IVD: variants seen among roughly 807,000 people sequenced by gnomAD.
The protein encoded by IVD is isovaleryl-CoA dehydrogenase, mitochondrial.
A neutral mutation model predicts 51.3 loss-of-function variants in IVD; 31 were observed. That is an observed-to-expected ratio of 0.60 (90% CI 0.45 to 0.81). The LOEUF is 0.81. Among genes scored for constraint, IVD ranks in the 40% least tolerant of loss-of-function variants. The pLI is 0.00. For synonymous variants in IVD, 205 were observed against 219.4 expected (o/e 0.93, Z 0.58); for missense variants, 475 against 552.0 (o/e 0.86, Z 1.40).
chr15:40,414,789 G>A lies in IVD; in HGVS notation c.785-100G>A. ...AATAAAGGTCAAGTGACATATTTTAGTGCCTTACTTGAGAGCCATGTTTCC... is the reference window on the plus strand; with the variant it reads ...AATAAAGGTCAAGTGACATATTTTAATGCCTTACTTGAGAGCCATGTTTCC... On this transcript the variant is annotated intron_variant, in intron 7 of 11. Coordinates refer to ENST00000487418, the MANE Select transcript of IVD (RefSeq NM_002225.5). 3 of 1,549,854 alleles carry A rather than the reference G, an allele frequency of 1.9e-6. No individual in the cohort carries two copies. The East Asian group carries it at 7.2e-5, about 37-fold the overall frequency.
rs1207039323 is a variant in IVD, at chr15:40,414,188, T to C, written c.785-701T>C. Among the ~76,000 whole-genome samples the C allele has an allele frequency of 5.3e-5, 8 of 152,180 alleles. No individual in the cohort carries two copies. The East Asian group carries it at 1.5e-3, about 29-fold the overall frequency. ...GCATGGATTTGATCAACAGTTAGGT[T>C]TGCTGTCTGCCTCAGCCATATACCA... On this transcript the variant is annotated intron_variant, in intron 7 of 11. Coordinates refer to ENST00000487418, the MANE Select transcript of IVD (RefSeq NM_002225.5).
rs757719679 is a variant in IVD, at chr15:40,416,317, G to A, written c.1093G>A (p.Ala365Thr). ...CTGTGCAGGTGTGATTCTTTACTCA[G>A]CTGAGTGTGCCACACAGGTAGCCCT... is the stretch of plus-strand genomic sequence containing the variant. ...KDCAGVILYS[A>T]ECATQVALDG... Residue 365 changes from alanine (A) to threonine (T), a missense_variant, in exon 11 of 12, where the codon GCT becomes ACT. By Grantham distance (58) the Ala-to-Thr change is moderately conservative. Coordinates refer to ENST00000487418, the MANE Select transcript of IVD (RefSeq NM_002225.5). The A allele has an allele frequency of 6.2e-7, 1 of 1,614,218 alleles. No homozygotes were observed. Among genetic ancestry groups the A allele is most frequent in the Non-Finnish European group, 8.5e-7 (1 of 1,180,034 alleles).
intron 1 of IVD, among the ~76,000 whole-genome samples, chr15:40,406,859 TTTTTC>T (rs1168369432): frequency 6.6e-6 from 1 of 151,184 alleles, no homozygotes; most frequent in African/African-American, 2.4e-5. Flanking sequence ...TTTCTTTTCT[TTTTTC>T]TTTTTTTTTT....
At chr15:40,425,966 A>ATT (rs35191817), downstream of IVD, among the ~76,000 whole-genome samples, 5 of 140,646 alleles carry the variant, frequency 3.6e-5, no homozygotes, top group African/African-American at 1.1e-4. Context: ...CAGTCCGGCT[A>ATT]TTTTTTTTTT....
chr15:40,431,043 G>A (rs908049970), intron 7 of IVD, among the ~76,000 whole-genome samples: 1 of 152,086 alleles, frequency 6.6e-6, no homozygotes, highest in Non-Finnish European at 1.5e-5. Context: ...GAATTGTTTG[G>A]GGAAGCTTAT....
downstream of IVD, among the ~76,000 whole-genome samples, chr15:40,423,184 T>C (rs529426651): frequency 2.8e-4 from 43 of 152,308 alleles, no homozygotes; most frequent in Non-Finnish European, 5.3e-4. Context: ...GCGATCCTCC[T>C]GCCTCCACTT....
chr15:40,422,918 G>C (rs1892442803), downstream of IVD, among the ~76,000 whole-genome samples: 1 of 151,074 alleles, frequency 6.6e-6, no homozygotes, highest in Admixed American at 6.6e-5. Context: ...ATTTTTATTT[G>C]TTTGTTTATT....
At position 40,416,133 on chromosome 15, in the gene IVD, A is replaced by G. The variant is rs758559425; in HGVS notation, c.1016A>G (p.Tyr339Cys). Residue 339 changes from tyrosine to cysteine, a missense_variant, in exon 10 of 12, where the codon TAT becomes TGT. Transcript: ENST00000487418. ...ACCCGCCTCATGGCGTGTCGGCAGT[A>G]TGTCTACAATGTCGCCAAGGCCTGC... ...MYTRLMACRQ[Y>C]VYNVAKACDE... The G allele has an allele frequency of 6.2e-7, 1 of 1,614,264 alleles. No homozygotes were observed.
downstream of IVD, among the ~76,000 whole-genome samples, chr15:40,422,230 CATGAAAG>C (rs1892357366): frequency 8.8e-6 from 1 of 113,910 alleles, no homozygotes; most frequent in African/African-American, 2.6e-5. Context: ...CCAATAAGGA[CATGAAAG>C]GGAAGAGGGG....
chr15:40,414,899 C>G lies in IVD; in HGVS notation c.795C>G (p.Ile265Met), dbSNP rs763376510. The change falls in exon 8 of 12, where the codon ATC (isoleucine) becomes ATG (methionine). Residue 265 changes from isoleucine (I) to methionine (M), a missense_variant. Transcript: ENST00000487418. The part of the protein sequence containing the change: ...FEDCKIPAAN[I>M]LGHENKGVYV... ...CACTTATCCTGGCAGCTGCCAACAT[C>G]CTGGGCCATGAGAATAAGGGTGTCT... The G allele has an allele frequency of 6.2e-7, 1 of 1,614,184 alleles. No individual in the cohort carries two copies. The highest frequency in any genetic ancestry group is 1.1e-5 in the South Asian group (1 of 91,084).
At chr15:40,434,760 G>A (rs532282375) in intron 8 of IVD, among the ~76,000 whole-genome samples, 2 of 152,284 alleles carry the variant, frequency 1.3e-5, no homozygotes, top group East Asian at 1.9e-4. Context: ...GAATGGGCAC[G>A]ACCTATGCTG....
intron 7 of IVD, chr15:40,414,479 C>T (rs1462172557): frequency 3.6e-6 from 1 of 277,274 alleles, no homozygotes; most frequent in East Asian, 8.0e-5. Flanking sequence ...GACTACTCTG[C>T]AGGGAGGTGA....
chr15:40,411,191 G>T, intron 4 of IVD, 69 bp from the exon 5 acceptor site: 2 of 1,408,852 alleles, frequency 1.4e-6, no homozygotes, highest in Middle Eastern at 1.8e-4. Context: ...ACAGGAAGAG[G>T]CAGTACCAGT....
intron 4 of IVD, 139 bp downstream of exon 4, chr15:40,410,936 T>G: frequency 9.4e-7 from 1 of 1,062,320 alleles, no homozygotes. Context: ...GAAGGGGCCA[T>G]GGATTGCTTT....
intron 8 of IVD, among the ~76,000 whole-genome samples, chr15:40,434,552 CG>C (rs1308591113): frequency 6.6e-6 from 1 of 152,102 alleles, no homozygotes; most frequent in Non-Finnish European, 1.5e-5. Context: ...TAAAGACTTA[CG>C]GGCAAAGCAG....
At chr15:40,426,280 G>A (rs1305914765), downstream of IVD, among the ~76,000 whole-genome samples, 1 of 152,066 alleles carries the variant, frequency 6.6e-6, no homozygotes, top group Non-Finnish European at 1.5e-5. Context: ...GCTTATACCT[G>A]TAATCCCAGC....
At chr15:40,408,766 C>G (rs1890738301) in intron 3 of IVD, among the ~76,000 whole-genome samples, 1 of 152,110 alleles carries the variant, frequency 6.6e-6, no homozygotes, top group Admixed American at 6.5e-5. Context: ...GCCTGACCAA[C>G]ATGGAGAAAC....
chr15:40,431,637 G>A (rs976257961), intron 7 of IVD, among the ~76,000 whole-genome samples: 12 of 152,046 alleles, frequency 7.9e-5, no homozygotes, highest in African/African-American at 2.9e-4. Context: ...AGAGCTTGCA[G>A]TGAGCTGAGA....
At position 40,405,956 on chromosome 15, in the gene IVD, C is replaced by A. The variant is rs918899977; in HGVS notation, c.129C>A (p.Ser43Arg). ...TGGACGATGCAATCAATGGGCTAAG[C>A]GAGGAGCAGAGGCAGGTGAGGAGAC... ...LPVDDAINGL[S>R]EEQRQLRQTM... The change falls in exon 1 of 12, where the codon AGC (serine) becomes AGA (arginine). Residue 43 changes from serine (S) to arginine (R), a missense_variant. Coordinates refer to ENST00000487418, the MANE Select transcript of IVD (RefSeq NM_002225.5). 1.9e-6 allele frequency: 3 copies of A among 1,611,264 alleles called. 1 individual carries two copies. Among genetic ancestry groups the A allele is most frequent in the Admixed American group, 1.7e-5 (1 of 59,774 alleles).
Sources: allele counts gnomAD v4.1 joint callset (sites outside exome capture counted in the v4.1 genomes callset), GRCh38; gene constraint gnomAD v4.1.1; transcripts MANE v1.5; gene names NCBI Gene and HGNC (gene_info 2026-07-23, HGNC 2026-07-21).